STPG2: variants seen among roughly 807,000 people sequenced by gnomAD.
STPG2 encodes the protein sperm-tail PG-rich repeat-containing protein 2.
Under a neutral mutation model 54.2 loss-of-function variants are expected in STPG2, and 56 were observed. The observed-to-expected ratio is 1.03, with a 90% CI of 0.83 to 1.29. The LOEUF (loss-of-function observed/expected upper bound fraction) is 1.29, where lower values mean the gene tolerates loss of function less well. STPG2 is among the 50% of genes most tolerant of loss of function. STPG2 has a pLI of 0.00. For synonymous variants in STPG2, 200 were observed against 181.8 expected, an observed-to-expected ratio of 1.10 and a Z score of -0.81; for missense variants, 596 against 544.9, an observed-to-expected ratio of 1.09 and a Z score of -0.93.
chr4:98,024,389 T>G (rs1016366346), intron 5 of STPG2, among the ~76,000 whole-genome samples: 3 of 152,330 alleles, frequency 2.0e-5, no homozygotes, highest in African/African-American at 7.2e-5. Context: ...GGAACACCTA[T>G]TATTTACATA....
intron 10 of STPG2, among the ~76,000 whole-genome samples, chr4:97,661,611 T>C (rs1282775391): frequency 1.3e-5 from 2 of 151,960 alleles, no homozygotes; most frequent in East Asian, 1.9e-4. Context: ...ATAAAAAGGG[T>C]ATAGCTGAAA....
chr4:97,832,335 T>A lies in STPG2; in HGVS notation c.1204+8438A>T, dbSNP rs565322925. ...ACAACACCCTTCATGCTAAACACTC[T>A]CCATAAACTAGGTATTGATGGAACG... On this transcript the variant is annotated intron_variant, in intron 9 of 10. Coordinates refer to ENST00000295268, the MANE Select transcript of STPG2 (RefSeq NM_174952.3). Among the ~76,000 whole-genome samples, 6 of 152,248 alleles carry A rather than the reference T, an allele frequency of 3.9e-5. No homozygotes were observed. The South Asian group carries it at 1.0e-3, about 26-fold the overall frequency.
rs192647505 is a variant in STPG2, at chr4:97,473,611, G to A, written c.462+239088C>T. 2.9e-3 allele frequency among the ~76,000 whole-genome samples: 440 copies of A among 152,090 alleles called. 1 individual carries two copies. Among genetic ancestry groups the A allele is most frequent in the Admixed American group, 6.5e-3 (99 of 15,250 alleles). On this transcript the variant is annotated intron_variant, in intron 4 of 4. Coordinates refer to the STPG2 transcript ENST00000522676. Reference sequence around the variant, plus strand: ...CCCGGTCCTGTGCTCCTGTGATCTCGCCCTGCCATTTGCCTTGTGATATTC... The same window carrying A: ...CCCGGTCCTGTGCTCCTGTGATCTCACCCTGCCATTTGCCTTGTGATATTC...
intron 4 of STPG2, among the ~76,000 whole-genome samples, chr4:97,453,872 C>T (rs77874928): frequency 1.3e-3 from 194 of 152,152 alleles, no homozygotes; most frequent in African/African-American, 4.4e-3. Flanking sequence ...CAAAAGGAGA[C>T]ACTAGGATGT....
chr4:97,978,607 C>T (rs1040968399), intron 6 of STPG2, among the ~76,000 whole-genome samples: 2 of 151,982 alleles, frequency 1.3e-5, no homozygotes, highest in South Asian at 2.1e-4. Context: ...GAAACCCCCA[C>T]GACACAAATT....
chr4:97,487,812 G>T (rs1487774725), intron 4 of STPG2, among the ~76,000 whole-genome samples: 2 of 151,058 alleles, frequency 1.3e-5, no homozygotes, highest in Non-Finnish European at 3.0e-5. Context: ...TCTTATAAAT[G>T]ACTTAGAAAA....
intron 5 of STPG2, among the ~76,000 whole-genome samples, chr4:97,987,520 G>A (rs187722654): frequency 1.3e-4 from 20 of 152,092 alleles, no homozygotes; most frequent in African/African-American, 4.8e-4. Context: ...CTGAGGTTGA[G>A]TTTTTTATAT....
chr4:97,459,720 C>T (rs1042950028), intron 4 of STPG2, among the ~76,000 whole-genome samples: 1 of 152,078 alleles, frequency 6.6e-6, no homozygotes, highest in Non-Finnish European at 1.5e-5. Context: ...GGATTACAGG[C>T]GTGAGCCACC....
chr4:97,938,403 T>C (rs1241315849), intron 8 of STPG2, among the ~76,000 whole-genome samples: 1 of 152,112 alleles, frequency 6.6e-6, no homozygotes, highest in African/African-American at 2.4e-5. Flanking sequence ...ATAATGGCTA[T>C]CCCTCCCTCG....
At chr4:97,957,993 C>T (rs1560609608) in intron 7 of STPG2, among the ~76,000 whole-genome samples, 1 of 151,844 alleles carries the variant, frequency 6.6e-6, no homozygotes, top group African/African-American at 2.4e-5. Flanking sequence ...ACAGGACCTA[C>T]AAAACAAAAA....
At position 97,614,050 on chromosome 4, in the gene STPG2, T is replaced by G. The variant is rs541057731; in HGVS notation, c.1321-54933A>C. Among the ~76,000 whole-genome samples the G allele has an allele frequency of 5.3e-5, 8 of 152,244 alleles. No individual in the cohort carries two copies. In the East Asian group the frequency reaches 1.4e-3, roughly 26 times the overall value. ...GACAATTAGTTCAAATGAATGTGTATTATGTGTATATACTTGTATACCAGG... is the reference window on the plus strand; with the variant it reads ...GACAATTAGTTCAAATGAATGTGTAGTATGTGTATATACTTGTATACCAGG... On this transcript the variant is annotated intron_variant, in intron 10 of 10. Coordinates refer to ENST00000295268, the MANE Select transcript of STPG2 (RefSeq NM_174952.3).
In STPG2 at chr4:97,715,775, T is replaced by C. The variant is rs554979553; in HGVS notation, c.1205-2961A>G. Among the ~76,000 whole-genome samples, 40 of 152,250 alleles carry C rather than the reference T, an allele frequency of 2.6e-4. No individual in the cohort carries two copies. In the South Asian group the frequency reaches 7.7e-3, roughly 29 times the overall value. Reference sequence around the variant, plus strand: ...AACCTAGGCAATACCATTCAGGACATAGGCATGGGCAAAGACTTCATGACT... The same window carrying C: ...AACCTAGGCAATACCATTCAGGACACAGGCATGGGCAAAGACTTCATGACT... On this transcript the variant is annotated intron_variant, in intron 9 of 10. Coordinates refer to ENST00000295268, the MANE Select transcript of STPG2 (RefSeq NM_174952.3).
intron 9 of STPG2, among the ~76,000 whole-genome samples, chr4:97,734,830 TG>T (rs963476208): frequency 6.6e-6 from 1 of 151,990 alleles, no homozygotes; most frequent in African/African-American, 2.4e-5. Context: ...CCTAGCACTT[TG>T]GGGGGCCGAG....
intron 5 of STPG2, among the ~76,000 whole-genome samples, chr4:98,047,290 T>C (rs1737159724): frequency 6.6e-6 from 1 of 152,180 alleles, no homozygotes; most frequent in African/African-American, 2.4e-5. Flanking sequence ...GCTGGAGACC[T>C]GATTTTATCA....
At chr4:97,797,569 G>A (rs10003611) in intron 9 of STPG2, among the ~76,000 whole-genome samples, 59,937 of 152,026 alleles carry the variant, frequency 0.39, 11,944 homozygotes, top group Middle Eastern at 0.46. Context: ...ACTTTTTGAT[G>A]TGCTGCTGGA....
chr4:98,119,540 T>C (rs1440563288), intron 3 of STPG2, among the ~76,000 whole-genome samples: 1 of 152,144 alleles, frequency 6.6e-6, no homozygotes, highest in Non-Finnish European at 1.5e-5. Flanking sequence ...ATTAGCAATA[T>C]TTTTCATAAT....
chr4:97,806,621 G>T (rs943864260), intron 9 of STPG2, among the ~76,000 whole-genome samples: 3 of 151,984 alleles, frequency 2.0e-5, no homozygotes, highest in South Asian at 2.1e-4. Context: ...TCCTTTCACA[G>T]GAACTAGGTC....
In STPG2 at chr4:97,770,742, G is replaced by T. The variant is rs1194344774; in HGVS notation, c.1205-57928C>A. On this transcript the variant is annotated intron_variant, in intron 9 of 10. Transcript: ENST00000295268. Reference sequence around the variant, plus strand: ...CACTTGCTGATGAACTGGGATTTGTGATTGAGAGTACCAGAGGAACTAAAA... The same window carrying T: ...CACTTGCTGATGAACTGGGATTTGTTATTGAGAGTACCAGAGGAACTAAAA... 2.6e-5 allele frequency among the ~76,000 whole-genome samples: 4 copies of T among 152,168 alleles called. No individual in the cohort carries two copies. In the East Asian group the frequency reaches 5.8e-4, roughly 22 times the overall value.
intron 4 of STPG2, among the ~76,000 whole-genome samples, chr4:97,507,639 A>G (rs1387860701): frequency 6.6e-6 from 1 of 152,034 alleles, no homozygotes; most frequent in Non-Finnish European, 1.5e-5. Context: ...CCAATTGGCT[A>G]TGAATTCAGG....
Sources: allele counts gnomAD v4.1 joint callset (sites outside exome capture counted in the v4.1 genomes callset), GRCh38; gene constraint gnomAD v4.1.1; transcripts MANE v1.5; gene names NCBI Gene and HGNC (gene_info 2026-07-23, HGNC 2026-07-21).